MCTP2: variants seen among roughly 807,000 people sequenced by gnomAD.
MCTP2 encodes the protein multiple C2 and transmembrane domain-containing protein 2.
A neutral mutation model predicts 111.6 loss-of-function variants in MCTP2; 132 were observed. The observed-to-expected ratio is 1.18, with a 90% CI of 1.03 to 1.37. The LOEUF (loss-of-function observed/expected upper bound fraction) is 1.37, where lower values mean the gene tolerates loss of function less well. MCTP2 is among the 40% of genes most tolerant of loss of function. The pLI is 0.00. For synonymous variants in MCTP2, 395 were observed against 387.7 expected (o/e 1.02, Z -0.22); for missense variants, 1,183 against 1,067.9 (o/e 1.11, Z -1.50).
intron 1 of MCTP2, among the ~76,000 whole-genome samples, chr15:94,289,096 A>G (rs1419345675): frequency 6.6e-6 from 1 of 152,228 alleles, no homozygotes; most frequent in African/African-American, 2.4e-5. Flanking sequence ...AGCCTCAACA[A>G]GTATTCAAAG....
intron 4 of MCTP2, among the ~76,000 whole-genome samples, chr15:94,332,885 A>G (rs1279347449): frequency 1.3e-5 from 2 of 152,218 alleles, no homozygotes; most frequent in Non-Finnish European, 2.9e-5. Context: ...TTATATATAT[A>G]TATGCACAGA....
intron 2 of MCTP2, among the ~76,000 whole-genome samples, chr15:94,312,738 C>T (rs34565273): frequency 0.027 from 4,035 of 152,260 alleles, 182 homozygotes; most frequent in African/African-American, 0.091. Context: ...CCTTCTTGTA[C>T]TCAGGGCTCG....
intron 14 of MCTP2, among the ~76,000 whole-genome samples, chr15:94,392,304 G>A (rs1229696293): frequency 3.3e-5 from 5 of 151,814 alleles, no homozygotes; most frequent in African/African-American, 9.7e-5. Context: ...CCCGGGTGGC[G>A]GAGGTTGCAG....
intron 17 of MCTP2, among the ~76,000 whole-genome samples, chr15:94,407,262 TA>T (rs1160790208): frequency 6.6e-6 from 1 of 152,222 alleles, no homozygotes; most frequent in East Asian, 1.9e-4. Flanking sequence ...AAGGTGATTT[TA>T]AACAGCAAAG....
At chr15:94,345,216 G>A (rs763052907) in intron 8 of MCTP2, 52 bp downstream of exon 8, 4 of 1,548,394 alleles carry the variant, frequency 2.6e-6, no homozygotes, top group Middle Eastern at 1.7e-4. Flanking sequence ...CTTTGTCTTT[G>A]TAGCAAACAA....
At chr15:94,308,636 A>T (rs1207569550) in intron 2 of MCTP2, among the ~76,000 whole-genome samples, 1 of 152,250 alleles carries the variant, frequency 6.6e-6, no homozygotes, top group Non-Finnish European at 1.5e-5. Context: ...ATAAACATGC[A>T]AAAAACTTAC....
chr15:94,389,516 T>C (rs2080741748), intron 14 of MCTP2, among the ~76,000 whole-genome samples: 2 of 152,182 alleles, frequency 1.3e-5, no homozygotes, highest in African/African-American at 4.8e-5. Flanking sequence ...GAAGACTTGG[T>C]TCAAATTCTG....
intron 19 of MCTP2, among the ~76,000 whole-genome samples, chr15:94,450,941 G>T (rs552908049): frequency 4.5e-4 from 68 of 152,306 alleles, no homozygotes; most frequent in African/African-American, 1.5e-3. Flanking sequence ...AATTCATTTT[G>T]ATGGTGTTAA....
intron 4 of MCTP2, among the ~76,000 whole-genome samples, chr15:94,328,063 A>C (rs16948934): frequency 0.022 from 3,320 of 151,584 alleles, 112 homozygotes; most frequent in African/African-American, 0.076. Flanking sequence ...TAAATGTAGC[A>C]TGTCTTCTAT....
chr15:94,440,986 C>G (rs958195291), intron 18 of MCTP2, among the ~76,000 whole-genome samples: 7 of 152,026 alleles, frequency 4.6e-5, no homozygotes, highest in Non-Finnish European at 5.9e-5. Flanking sequence ...TGGCCAGGAA[C>G]TTGTATTTGT....
intron 1 of MCTP2, among the ~76,000 whole-genome samples, chr15:94,263,054 G>A (rs1011628466): frequency 2.0e-5 from 3 of 152,176 alleles, no homozygotes; most frequent in Admixed American, 6.5e-5. Flanking sequence ...CACTGCTCTG[G>A]TGGTATAAAT....
chr15:94,298,584 C>T lies in MCTP2; in HGVS notation c.319C>T (p.Gln107Ter), dbSNP rs1035962967. 7.4e-6 allele frequency: 12 copies of T among 1,613,994 alleles called. No homozygotes were observed. Among genetic ancestry groups the T allele is most frequent in the Non-Finnish European group, 9.3e-6 (11 of 1,180,026 alleles). ...KQSEEELDWS[Q>*]EEASHLHVVE... is the part of the protein sequence containing the mutation. ...GTCTGAAGAAGAATTGGATTGGAGC[C>T]AGGAAGAAGCCAGTCACCTCCATGT... is the stretch of plus-strand genomic sequence containing the variant. Residue 107 changes from glutamine (Q) to a stop codon, truncating the protein, a stop_gained, in exon 2 of 23, where the codon CAG becomes TAG. Transcript: ENST00000357742. LOFTEE classifies it high-confidence loss of function.
chr15:94,331,242 T>G (rs2077120062), intron 4 of MCTP2, among the ~76,000 whole-genome samples: 1 of 152,252 alleles, frequency 6.6e-6, no homozygotes, highest in Non-Finnish European at 1.5e-5. Flanking sequence ...GGTCTCTGGC[T>G]CATCTTAGTT....
intron 12 of MCTP2, among the ~76,000 whole-genome samples, chr15:94,380,416 T>C (rs1196454903): frequency 6.6e-6 from 1 of 152,198 alleles, no homozygotes; most frequent in East Asian, 1.9e-4. Context: ...AGGTGGTCAT[T>C]GTATTTCAGG....
At chr15:94,477,544 A>G (rs540142181) in intron 22 of MCTP2, among the ~76,000 whole-genome samples, 1 of 152,334 alleles carries the variant, frequency 6.6e-6, no homozygotes, top group Non-Finnish European at 1.5e-5. Context: ...AGATCACTGA[A>G]TAGGTAGATG....
At chr15:94,438,308 A>G (rs752564205) in intron 17 of MCTP2, among the ~76,000 whole-genome samples, 3 of 152,116 alleles carry the variant, frequency 2.0e-5, no homozygotes, top group African/African-American at 4.8e-5. Context: ...GAACATTTTT[A>G]TTTTGTTATT....
chr15:94,242,355 A>C lies in MCTP2; in HGVS notation c.-66+10691A>C, dbSNP rs74395154. Among the ~76,000 whole-genome samples the C allele has an allele frequency of 5.1e-3, 779 of 152,278 alleles. 7 individuals are homozygous for C. The highest frequency in any genetic ancestry group is 0.018 in the African/African-American group (759 of 41,574). Reference sequence around the variant, plus strand: ...ATACATGTAGACTGCCTTGCACATAACAGATACTTCATAAATGTCTATTAT... The same window carrying C: ...ATACATGTAGACTGCCTTGCACATACCAGATACTTCATAAATGTCTATTAT... On this transcript the variant is annotated intron_variant, in intron 1 of 22. Coordinates refer to ENST00000357742, the MANE Select transcript of MCTP2 (RefSeq NM_001385001.1).
At chr15:94,336,836 A>G in intron 4 of MCTP2, among the ~76,000 whole-genome samples, 1 of 151,970 alleles carries the variant, frequency 6.6e-6, no homozygotes, top group East Asian at 1.9e-4. Flanking sequence ...TAACATGTTG[A>G]TAGTCTACGT....
At chr15:94,464,238 TAA>T (rs201437872) in intron 20 of MCTP2, among the ~76,000 whole-genome samples, 9,391 of 55,644 alleles carry the variant, frequency 0.17, 868 homozygotes, top group East Asian at 0.32. Flanking sequence ...TTTATATATA[TAA>T]TATATATATA....
Sources: allele counts gnomAD v4.1 joint callset (sites outside exome capture counted in the v4.1 genomes callset), GRCh38; gene constraint gnomAD v4.1.1; transcripts MANE v1.5; gene names NCBI Gene and HGNC (gene_info 2026-07-23, HGNC 2026-07-21).